Variants in USO1 observed in about 807,000 individuals in gnomAD.
The protein encoded by USO1 is USO1 vesicle transport factor, also known as general vesicular transport factor p115.
Under a neutral mutation model 124.5 loss-of-function variants are expected in USO1, and 57 were observed. The ratio of observed to expected loss-of-function variants is 0.46; its 90% CI spans 0.37 to 0.57. The LOEUF (loss-of-function observed/expected upper bound fraction) is 0.57, where lower values mean the gene tolerates loss of function less well. Ranked by LOEUF, USO1 falls within the 20% of genes least tolerant of loss-of-function variation. The probability of loss-of-function intolerance (pLI) is 0.00; values close to 1 mark genes in which losing one functional copy is unlikely to be tolerated. For missense variants in USO1, 900 were observed against 1,040.6 expected (o/e 0.86, Z 1.86); for synonymous variants, 369 against 362.8 (o/e 1.02, Z -0.19).
intron 4 of USO1, among the ~76,000 whole-genome samples, chr4:75,767,003 G>T (rs1282201960): frequency 6.6e-6 from 1 of 152,168 alleles, no homozygotes; most frequent in African/African-American, 2.4e-5. Flanking sequence ...CCTATCATTA[G>T]TATTTGATAG....
intron 1 of USO1, among the ~76,000 whole-genome samples, chr4:75,751,070 C>T (rs1375280279): frequency 1.3e-5 from 2 of 151,820 alleles, no homozygotes; most frequent in African/African-American, 4.8e-5. Context: ...GAATGTATTA[C>T]AATTGTTTAG....
Position 75,787,173 on chromosome 4 carries a change from A to G in USO1, c.967A>G (p.Thr323Ala), listed in dbSNP as rs1216398259. The change falls in exon 10 of 24, where the codon ACT becomes GCT. Residue 323 changes from threonine to alanine, a missense_variant. Thr to Ala is a moderately conservative substitution (Grantham distance 58). This residue lies in a region of USO1 where 538 missense variants were observed against 681.6 expected (regional missense o/e 0.79). Coordinates refer to ENST00000514213, the MANE Select transcript of USO1 (RefSeq NM_003715.4). ...LQQLCTILMATGVPADILTET... is the reference protein window; with the variant it reads ...LQQLCTILMAAGVPADILTET... ...GCAGCTTTGTACTATCCTAATGGCTACTGGGGTTCCTGCTGATATCCTGAC... is the reference window on the plus strand; with the variant it reads ...GCAGCTTTGTACTATCCTAATGGCTGCTGGGGTTCCTGCTGATATCCTGAC... 2 of 1,564,132 alleles carry G rather than the reference A, an allele frequency of 1.3e-6. No homozygotes were observed. Among genetic ancestry groups the G allele is most frequent in the Admixed American group, 1.9e-5 (1 of 52,102 alleles).
chr4:75,759,633 G>T (rs1721545057), intron 4 of USO1, among the ~76,000 whole-genome samples: 1 of 151,236 alleles, frequency 6.6e-6, no homozygotes, highest in South Asian at 2.1e-4. Context: ...CATTGGCTGG[G>T]CACGGTGGCT....
chr4:75,801,398 TGAGTG>T (rs1313264237), intron 17 of USO1, among the ~76,000 whole-genome samples, 198 bp downstream of exon 17: 1 of 152,244 alleles, frequency 6.6e-6, no homozygotes, highest in Non-Finnish European at 1.5e-5. Context: ...TAGATAATGA[TGAGTG>T]GATAAAGATG....
At chr4:75,796,247 T>C (rs1009554269) in intron 13 of USO1, among the ~76,000 whole-genome samples, 5 of 152,082 alleles carry the variant, frequency 3.3e-5, no homozygotes, top group Admixed American at 6.6e-5. Flanking sequence ...CTGTGTTTCA[T>C]GTGATGATTT....
intron 9 of USO1, among the ~76,000 whole-genome samples, chr4:75,784,102 C>T (rs1200045197): frequency 2.0e-5 from 3 of 152,192 alleles, no homozygotes; most frequent in Admixed American, 2.0e-4. Context: ...CTTATTGCAG[C>T]CTCAACCTCC....
Position 75,813,587 on chromosome 4 carries a change from A to G in USO1, c.*292A>G, listed in dbSNP as rs1388800755. The G allele has an allele frequency of 4.6e-6, 1 of 217,042 alleles. No homozygotes were observed. Among genetic ancestry groups the G allele is most frequent in the Non-Finnish European group, 8.9e-6 (1 of 111,820 alleles). The allele number at this position is 217,042 out of a possible 1,614,324, so 13.4% of individuals were successfully genotyped here. A position where few individuals can be genotyped will look rare whatever the true frequency, so the allele number is the denominator to read the frequency against. On this transcript the variant is annotated 3_prime_UTR_variant, in exon 24 of 24. Coordinates refer to ENST00000514213, the MANE Select transcript of USO1 (RefSeq NM_003715.4). ...TTTTAAGGCATGTGGTGACAATGCT[A>G]TTTGCCTTAGTTCATTCGTTGTTTA... is the stretch of plus-strand genomic sequence containing the variant.
At position 75,793,935 on chromosome 4, in the gene USO1, A is replaced by G. The variant is rs373963200; in HGVS notation, c.1452+34A>G. 6.4e-5 allele frequency: 103 copies of G among 1,612,170 alleles called. 1 individual carries two copies. The African/African-American group carries it at 1.3e-3, about 20-fold the overall frequency. ...TTGCATAAGGGAAAAAGTTCTATACATTTTGATGTCAGTGATACAGGATTT... is the reference window on the plus strand; with the variant it reads ...TTGCATAAGGGAAAAAGTTCTATACGTTTTGATGTCAGTGATACAGGATTT... On this transcript the variant is annotated intron_variant, in intron 13 of 23. Coordinates refer to ENST00000514213, the MANE Select transcript of USO1 (RefSeq NM_003715.4).
intron 11 of USO1, 145 bp from the exon 12 acceptor site, chr4:75,790,498 A>C: frequency 7.6e-7 from 1 of 1,311,702 alleles, no homozygotes; most frequent in Non-Finnish European, 1.0e-6. Context: ...TCTGTCAGTT[A>C]CAGTTTTCTG....
chr4:75,754,065 G>A (rs1194228391), intron 3 of USO1, among the ~76,000 whole-genome samples: 38 of 149,808 alleles, frequency 2.5e-4, no homozygotes, highest in Non-Finnish European at 4.3e-4. Flanking sequence ...GGGATTACAG[G>A]CGTGAGCCAC....
intron 19 of USO1, among the ~76,000 whole-genome samples, chr4:75,806,231 A>G (rs991961594): frequency 3.3e-5 from 5 of 152,162 alleles, no homozygotes; most frequent in East Asian, 1.9e-4. Context: ...AGCTCAAGCA[A>G]TCCACTGGCC....
chr4:75,737,297 G>T (rs1242581580), intron 1 of USO1, among the ~76,000 whole-genome samples: 1 of 152,128 alleles, frequency 6.6e-6, no homozygotes, highest in Admixed American at 6.6e-5. Flanking sequence ...AACACATTAG[G>T]ACAGAGTTAG....
chr4:75,746,584 G>A (rs1443786189), intron 1 of USO1, among the ~76,000 whole-genome samples: 1 of 152,198 alleles, frequency 6.6e-6, no homozygotes. Context: ...CTAGGTCTTT[G>A]TAGGGTTTGG....
At chr4:75,748,010 C>A (rs1218170551) in intron 1 of USO1, among the ~76,000 whole-genome samples, 3 of 148,522 alleles carry the variant, frequency 2.0e-5, no homozygotes, top group African/African-American at 7.4e-5. Flanking sequence ...TGGGTTCAAG[C>A]AGTTCTCCTG....
At chr4:75,752,930 G>A (rs1166993533) in intron 3 of USO1, among the ~76,000 whole-genome samples, 18 of 152,302 alleles carry the variant, frequency 1.2e-4, no homozygotes, top group Admixed American at 9.2e-4. Context: ...GCATAAAACA[G>A]ACATATAAAA....
chr4:75,778,087 A>G (rs1722119268), intron 8 of USO1, among the ~76,000 whole-genome samples: 1 of 152,198 alleles, frequency 6.6e-6, no homozygotes, highest in Non-Finnish European at 1.5e-5. Context: ...AGTCTGAAAA[A>G]GCTACATAAT....
intron 20 of USO1, 58 bp downstream of exon 20, chr4:75,806,630 C>T: frequency 1.3e-6 from 2 of 1,531,026 alleles, no homozygotes; most frequent in Non-Finnish European, 1.8e-6. Flanking sequence ...AATAGAATAA[C>T]AGCCCTATAG....
chr4:75,728,269 T>C (rs1577919011), intron 1 of USO1, among the ~76,000 whole-genome samples: 1 of 152,172 alleles, frequency 6.6e-6, no homozygotes, highest in African/African-American at 2.4e-5. Flanking sequence ...GTGAGAGTTA[T>C]GTGATTGATT....
chr4:75,800,620 A>G lies in USO1; in HGVS notation c.1685A>G (p.Glu562Gly). 1 of 1,555,518 alleles carries G rather than the reference A, an allele frequency of 6.4e-7. No homozygotes were observed. The highest frequency in any genetic ancestry group is 8.6e-7 in the Non-Finnish European group (1 of 1,158,996). The change falls in exon 16 of 24, where the codon GAG (glutamate) becomes GGG (glycine). Residue 562 changes from glutamate (E) to glycine (G), a missense_variant and splice_region_variant. By Grantham distance (98) the Glu-to-Gly change is moderately conservative. Transcript: ENST00000514213. Reference sequence around the variant, plus strand: ...TCTCAATATGCTTATCTCCGTAGAGAGAAGCTAAAACAACTGATTGAGAAG... The same window carrying G: ...TCTCAATATGCTTATCTCCGTAGAGGGAAGCTAAAACAACTGATTGAGAAG... Reference protein sequence around the residue: ...NDNSLESYMKEKLKQLIEKRI... With the variant: ...NDNSLESYMKGKLKQLIEKRI...
Sources: gnomAD v4.1 joint callset for allele counts (sites outside exome capture counted in the v4.1 genomes callset) on GRCh38, gnomAD v4.1.1 for gene constraint, gnomAD v4.1.1 regional missense constraint, MANE v1.5 for transcripts, NCBI Gene and HGNC (gene_info 2026-07-23, HGNC 2026-07-21) for gene names.